MOCOS: variants seen among roughly 807,000 people sequenced by gnomAD.
The protein encoded by MOCOS is molybdenum cofactor sulfurase.
MOCOS carries 86 observed loss-of-function variants against 83.6 expected under a neutral mutation model. The ratio of observed to expected loss-of-function variants is 1.03; its 90% CI spans 0.86 to 1.23. MOCOS has a LOEUF of 1.23. Among genes scored for constraint, MOCOS ranks in the 50% most tolerant of loss-of-function variants. The pLI, the probability that MOCOS is intolerant of heterozygous loss-of-function variation, is 0.00. For missense variants in MOCOS, 1,120 were observed against 1,126.9 expected (o/e 0.99, Z 0.09); for synonymous variants, 445 against 434.7 (o/e 1.02, Z -0.29).
chr18:36,222,054 G>T (rs147805375), intron 9 of MOCOS, among the ~76,000 whole-genome samples: 97 of 152,236 alleles, frequency 6.4e-4, no homozygotes, highest in Non-Finnish European at 1.2e-3. Context: ...ATTGTCTGTT[G>T]TCACATATTG....
intron 9 of MOCOS, among the ~76,000 whole-genome samples, chr18:36,232,659 C>G (rs1030386930): frequency 2.6e-5 from 4 of 151,992 alleles, no homozygotes; most frequent in Non-Finnish European, 4.4e-5. Flanking sequence ...CCTACCCGTC[C>G]CTGCTTTTGG....
chr18:36,219,180 ATTATT>A (rs1336261827), intron 8 of MOCOS, among the ~76,000 whole-genome samples: 1 of 148,520 alleles, frequency 6.7e-6, no homozygotes, highest in African/African-American at 2.5e-5. Flanking sequence ...TATTATTATT[ATTATT>A]TTATTTTATT....
In MOCOS at chr18:36,266,758, C is replaced by A. The variant is rs773501603; in HGVS notation, c.2419C>A (p.Pro807Thr). 4.3e-6 allele frequency: 7 copies of A among 1,613,970 alleles called. No homozygotes were observed. The South Asian group carries it at 5.5e-5, about 13-fold the overall frequency. ...IGSLRFQVLG[P>T]CHRCQMICID... ...CCTTCTCACCTGCCAGGTTTTGGGG[C>A]CTTGTCACAGATGCCAGATGATTTG... Residue 807 changes from proline (P) to threonine (T), a missense_variant, in exon 14 of 15, where the codon CCT becomes ACT. Coordinates refer to ENST00000261326, the MANE Select transcript of MOCOS (RefSeq NM_017947.4).
At chr18:36,254,688 T>C (rs2091635504) in intron 11 of MOCOS, among the ~76,000 whole-genome samples, 1 of 152,136 alleles carries the variant, frequency 6.6e-6, no homozygotes, top group African/African-American at 2.4e-5. Context: ...GCAACTTGTA[T>C]TTCCTTTCCA....
chr18:36,261,007 G>A (rs1443548696), intron 13 of MOCOS, among the ~76,000 whole-genome samples: 3 of 152,010 alleles, frequency 2.0e-5, no homozygotes, highest in South Asian at 2.1e-4. Context: ...CCTGCAGTGT[G>A]TGGGAGGGTG....
chr18:36,261,310 AT>A (rs2091662632), intron 13 of MOCOS, among the ~76,000 whole-genome samples: 1 of 152,134 alleles, frequency 6.6e-6, no homozygotes, highest in Admixed American at 6.5e-5. Context: ...TGGATTTCAG[AT>A]TTTCAAATTA....
rs1412579650 is a variant in MOCOS at position 36,215,926 on chromosome 18, T to G, written c.1746T>G (p.His582Gln). 3.7e-6 allele frequency: 6 copies of G among 1,613,700 alleles called. No homozygotes were observed. In the Admixed American group the frequency reaches 5.0e-5, roughly 13 times the overall value. The change falls in exon 8 of 15, where the codon CAT becomes CAG. Residue 582 changes from histidine to glutamine, a missense_variant. Coordinates refer to ENST00000261326, the MANE Select transcript of MOCOS (RefSeq NM_017947.4). ...TCCTGGAGGGGGCCCTTGGGCCACA[T>G]GTTGTCACTAACCTTTATCTCTATC... ...AGVLEGALGPHVVTNLYLYPI... is the reference protein window; with the variant it reads ...AGVLEGALGPQVVTNLYLYPI...
At chr18:36,263,291 A>T (rs1039791271) in intron 13 of MOCOS, among the ~76,000 whole-genome samples, 1 of 152,262 alleles carries the variant, frequency 6.6e-6, no homozygotes, top group Non-Finnish European at 1.5e-5. Context: ...TACAAAAAAA[A>T]TGAAAAGGAA....
intron 4 of MOCOS, among the ~76,000 whole-genome samples, chr18:36,202,173 G>T (rs1009550713): frequency 2.0e-5 from 3 of 152,100 alleles, no homozygotes; most frequent in African/African-American, 7.2e-5. Flanking sequence ...CAACCTAAAG[G>T]TTTATTGAAT....
At chr18:36,187,765 T>G in intron 1 of MOCOS, 84 bp downstream of exon 1, 42 of 1,204,496 alleles carry the variant, frequency 3.5e-5, no homozygotes, top group South Asian at 4.2e-5. Context: ...AGAGCGGCGC[T>G]ACCTCATTCG....
intron 8 of MOCOS, among the ~76,000 whole-genome samples, chr18:36,218,789 G>A (rs1020801058): frequency 6.6e-6 from 1 of 151,716 alleles, no homozygotes; most frequent in Admixed American, 6.6e-5. Flanking sequence ...CAAAGTGCTG[G>A]CGTTACAGAC....
chr18:36,210,918 A>G (rs999909432), intron 6 of MOCOS, among the ~76,000 whole-genome samples: 2 of 145,152 alleles, frequency 1.4e-5, no homozygotes, highest in Non-Finnish European at 3.0e-5. Flanking sequence ...TGGGATTGGT[A>G]GTGGAGAAGA....
intron 2 of MOCOS, among the ~76,000 whole-genome samples, chr18:36,195,579 G>A (rs148881110): frequency 1.6e-4 from 25 of 152,254 alleles, no homozygotes; most frequent in Non-Finnish European, 2.8e-4. Flanking sequence ...CAGAAGAAGA[G>A]GCCAGTGTTA....
intron 1 of MOCOS, among the ~76,000 whole-genome samples, chr18:36,192,717 A>T (rs1598868273): frequency 6.6e-6 from 1 of 152,120 alleles, no homozygotes; most frequent in East Asian, 1.9e-4. Flanking sequence ...GTGCAATCTC[A>T]GCTCACTGCA....
At chr18:36,263,089 A>C (rs2091669621) in intron 13 of MOCOS, among the ~76,000 whole-genome samples, 3 of 152,186 alleles carry the variant, frequency 2.0e-5, no homozygotes, top group Admixed American at 2.0e-4. Flanking sequence ...AGCCTGGGTG[A>C]CAGAGCAAGA....
chr18:36,240,493 C>A (rs1441841114), intron 9 of MOCOS, among the ~76,000 whole-genome samples: 5 of 150,460 alleles, frequency 3.3e-5, no homozygotes, highest in Non-Finnish European at 7.4e-5. Flanking sequence ...TCTGCCCGTT[C>A]TCAGATCTCC....
rs368226264 is a variant in MOCOS, at chr18:36,199,769, A to C, written c.386A>C (p.Glu129Ala). The C allele has an allele frequency of 1.5e-5, 24 of 1,614,164 alleles. No individual in the cohort carries two copies. The Admixed American group carries it at 2.3e-4, about 16-fold the overall frequency. ...GSTAALKLVA[E>A]AFPWVSQGPE... is the part of the protein sequence containing the mutation. ...ACGGCTGCTCTCAAACTGGTGGCAG[A>C]GGCCTTTCCATGGGTGTCCCAGGGC... is the stretch of plus-strand genomic sequence containing the variant. Residue 129 changes from glutamate to alanine, a missense_variant, in exon 4 of 15, where the codon GAG becomes GCG. Glu to Ala is a moderately radical substitution (Grantham distance 107). Coordinates refer to ENST00000261326, the MANE Select transcript of MOCOS (RefSeq NM_017947.4).
intron 1 of MOCOS, among the ~76,000 whole-genome samples, chr18:36,188,660 C>G (rs2091352335): frequency 6.6e-6 from 1 of 152,190 alleles, no homozygotes; most frequent in Non-Finnish European, 1.5e-5. Flanking sequence ...AGAACAGCAA[C>G]CATGACTTAG....
intron 11 of MOCOS, 138 bp from the exon 12 acceptor site, chr18:36,256,830 T>G: frequency 1.3e-6 from 1 of 787,144 alleles, no homozygotes; most frequent in South Asian, 1.4e-5. Flanking sequence ...TTAGGACATT[T>G]TTATTATTGC....
Sources: gnomAD v4.1 joint callset for allele counts (sites outside exome capture counted in the v4.1 genomes callset) on GRCh38, gnomAD v4.1.1 for gene constraint, MANE v1.5 for transcripts, NCBI Gene and HGNC (gene_info 2026-07-23, HGNC 2026-07-21) for gene names.